CMSS1: variants seen among roughly 807,000 people sequenced by gnomAD.
The protein encoded by CMSS1 is protein CMSS1.
Under a neutral mutation model 43.5 loss-of-function variants are expected in CMSS1, and 33 were observed. The observed-to-expected ratio is 0.76, with a 90% CI of 0.57 to 1.01. CMSS1 has a LOEUF of 1.01. CMSS1 is among the 50% of genes least tolerant of loss of function. The probability of loss-of-function intolerance (pLI) is 0.00; values close to 1 mark genes in which losing one functional copy is unlikely to be tolerated. For synonymous variants in CMSS1, 115 were observed against 117.2 expected (o/e 0.98, Z 0.12); for missense variants, 313 against 326.4 (o/e 0.96, Z 0.32).
intron 4 of CMSS1, among the ~76,000 whole-genome samples, chr3:100,165,637 T>C (rs2107528745): frequency 6.6e-6 from 1 of 152,270 alleles, no homozygotes; most frequent in South Asian, 2.1e-4. Context: ...CTACCACATA[T>C]ACTCATCCAT....
chr3:100,054,672 A>G (rs1177609229), intron 1 of CMSS1, among the ~76,000 whole-genome samples: 1 of 152,114 alleles, frequency 6.6e-6, no homozygotes, highest in Non-Finnish European at 1.5e-5. Context: ...CAACTGGATC[A>G]AAGGAGGGCA....
intron 1 of CMSS1, among the ~76,000 whole-genome samples, chr3:99,915,247 A>G (rs772234077): frequency 3.1e-4 from 47 of 152,222 alleles, no homozygotes; most frequent in Non-Finnish European, 4.7e-4. Flanking sequence ...ATGGAAAATA[A>G]TAGATTAAAA....
At chr3:100,012,870 C>T (rs778221435) in intron 1 of CMSS1, among the ~76,000 whole-genome samples, 2 of 151,036 alleles carry the variant, frequency 1.3e-5, no homozygotes, top group Non-Finnish European at 2.9e-5. Context: ...ACCTCCCAGG[C>T]TCAAGCAGTC....
chr3:99,998,573 G>A (rs1198644541), intron 1 of CMSS1, among the ~76,000 whole-genome samples: 2 of 152,148 alleles, frequency 1.3e-5, no homozygotes, highest in Non-Finnish European at 2.9e-5. Context: ...ATTAAAGAAA[G>A]ACAAAACTCA....
At chr3:99,942,966 A>G (rs1005024379) in intron 1 of CMSS1, among the ~76,000 whole-genome samples, 2 of 152,196 alleles carry the variant, frequency 1.3e-5, no homozygotes, top group Non-Finnish European at 2.9e-5. Flanking sequence ...AGAGTAAACT[A>G]TGTCCCAGGA....
At chr3:99,931,227 A>G (rs1313572022) in intron 1 of CMSS1, among the ~76,000 whole-genome samples, 2 of 152,120 alleles carry the variant, frequency 1.3e-5, no homozygotes, top group Non-Finnish European at 2.9e-5. Flanking sequence ...CTTTTAAAGC[A>G]AACATTTAAA....
At chr3:100,060,994 G>A (rs1272054375) in intron 1 of CMSS1, among the ~76,000 whole-genome samples, 1 of 152,180 alleles carries the variant, frequency 6.6e-6, no homozygotes, top group African/African-American at 2.4e-5. Context: ...GTGATGAGTT[G>A]CAGCATAGCA....
At position 100,179,836 on chromosome 3, in the gene CMSS1, C is replaced by T. The variant is rs564478429; in HGVS notation, c.*1448C>T. ...TCCAACCCCACATTTCCCCTCTGCA[C>T]TGCCCTAGTAGAGGCTCTCCATGAG... is the stretch of plus-strand genomic sequence containing the variant. On this transcript the variant is annotated 3_prime_UTR_variant, in exon 10 of 10. Transcript: ENST00000421999. 2 of 152,450 alleles carry T rather than the reference C, an allele frequency of 1.3e-5. No homozygotes were observed. Among genetic ancestry groups the T allele is most frequent in the Non-Finnish European group, 1.5e-5 (1 of 68,092 alleles). 9.4% of individuals were successfully genotyped at this position (152,450 alleles called of 1,614,324 possible).
chr3:100,022,151 T>C (rs1443792502), intron 1 of CMSS1, among the ~76,000 whole-genome samples: 1 of 152,180 alleles, frequency 6.6e-6, no homozygotes, highest in Non-Finnish European at 1.5e-5. Flanking sequence ...AGAAATGATA[T>C]TAGAATAATG....
intron 2 of CMSS1, among the ~76,000 whole-genome samples, chr3:100,157,213 A>T (rs774341660): frequency 1.7e-4 from 25 of 151,232 alleles, no homozygotes; most frequent in Admixed American, 7.2e-4. Context: ...TTCCTCGTTT[A>T]TTTTTATTCC....
intron 5 of CMSS1, among the ~76,000 whole-genome samples, chr3:100,166,807 C>T (rs1235981565): frequency 6.6e-6 from 1 of 152,150 alleles, no homozygotes; most frequent in African/African-American, 2.4e-5. Context: ...GGTCTGGTCA[C>T]AGCTCAGTGG....
Position 99,817,882 on chromosome 3 carries a change from C to T in CMSS1, c.-98C>T, listed in dbSNP as rs146430022. On this transcript the variant is annotated 5_prime_UTR_variant, in exon 1 of 10. Coordinates refer to ENST00000421999, the MANE Select transcript of CMSS1 (RefSeq NM_032359.4). Reference sequence around the variant, plus strand: ...GCGACAGTGTCTAGCGGGAGCTCCGCGTGTAGCTACGCCGGCCGCCTGGCT... The same window carrying T: ...GCGACAGTGTCTAGCGGGAGCTCCGTGTGTAGCTACGCCGGCCGCCTGGCT... The T allele has an allele frequency of 3.2e-6, 4 of 1,265,944 alleles. No homozygotes were observed. The highest frequency in any genetic ancestry group is 2.5e-5 in the South Asian group (2 of 80,130). The allele number at this position is 1,265,944 out of a possible 1,614,324, so 78.4% of individuals were successfully genotyped here. A position where few individuals can be genotyped will look rare whatever the true frequency, so the allele number is the denominator to read the frequency against.
At chr3:100,069,150 T>C (rs2065719029) in intron 1 of CMSS1, among the ~76,000 whole-genome samples, 1 of 152,118 alleles carries the variant, frequency 6.6e-6, no homozygotes. Context: ...CTCCTACTCC[T>C]TTAAGGTCAG....
chr3:100,146,174 TAAG>T (rs1276250492), intron 1 of CMSS1, among the ~76,000 whole-genome samples: 2 of 152,244 alleles, frequency 1.3e-5, no homozygotes, highest in African/African-American at 4.8e-5. Flanking sequence ...TTATGGGAAA[TAAG>T]AACCTTCTGG....
chr3:100,166,956 C>T (rs908019629), intron 5 of CMSS1, among the ~76,000 whole-genome samples: 1 of 151,900 alleles, frequency 6.6e-6, no homozygotes. Context: ...CTATGTTGCC[C>T]AGGCTGGTCT....
chr3:99,953,381 A>G (rs557898724), intron 1 of CMSS1, among the ~76,000 whole-genome samples: 1 of 152,308 alleles, frequency 6.6e-6, no homozygotes, highest in South Asian at 2.1e-4. Flanking sequence ...CAGATAACCA[A>G]TGAAATTCTA....
chr3:99,927,352 T>C (rs964596783), intron 1 of CMSS1, among the ~76,000 whole-genome samples: 1 of 151,966 alleles, frequency 6.6e-6, no homozygotes, highest in African/African-American at 2.4e-5. Flanking sequence ...AAATCCAAAA[T>C]GTTGTTATAT....
At chr3:99,957,325 A>G (rs1708348148) in intron 1 of CMSS1, among the ~76,000 whole-genome samples, 2 of 152,134 alleles carry the variant, frequency 1.3e-5, no homozygotes, top group South Asian at 4.1e-4. Context: ...TCTAAGCATT[A>G]ACAGAAAGTA....
At chr3:100,102,660 A>G (rs1365684424) in intron 1 of CMSS1, among the ~76,000 whole-genome samples, 1 of 152,210 alleles carries the variant, frequency 6.6e-6, no homozygotes, top group African/African-American at 2.4e-5. Context: ...GTCCTCCGCC[A>G]TGCTTTGCAT....
Sources: allele counts gnomAD v4.1 joint callset (sites outside exome capture counted in the v4.1 genomes callset), GRCh38; gene constraint gnomAD v4.1.1; transcripts MANE v1.5; gene names NCBI Gene and HGNC (gene_info 2026-07-23, HGNC 2026-07-21).